The following ZNF654 variants were observed in gnomAD, a reference collection of about 807,000 sequenced individuals.
The protein encoded by ZNF654 is melanoma-associated antigen.
A neutral mutation model predicts 95.3 loss-of-function variants in ZNF654; 19 were observed. The observed-to-expected ratio is 0.20, with a 90% CI of 0.14 to 0.29. The LOEUF is 0.29. Ranked by LOEUF, ZNF654 falls within the 10% of genes least tolerant of loss-of-function variation. The pLI is 1.00. For missense variants in ZNF654, 1,046 were observed against 1,341.0 expected (o/e 0.78, Z 3.44); for synonymous variants, 413 against 457.9 (o/e 0.90, Z 1.25).
chr3:88,071,262 C>G (rs1409387979), intron 1 of ZNF654, among the ~76,000 whole-genome samples: 3 of 152,162 alleles, frequency 2.0e-5, no homozygotes, highest in Non-Finnish European at 2.9e-5. Context: ...GTAATCCCAG[C>G]ACTTTGGGAG....
intron 1 of ZNF654, among the ~76,000 whole-genome samples, chr3:88,063,508 T>C (rs1313530368): frequency 6.6e-6 from 1 of 152,180 alleles, no homozygotes; most frequent in Non-Finnish European, 1.5e-5. Context: ...ACAATCCTTA[T>C]TTCTTGGTCT....
intron 2 of ZNF654, among the ~76,000 whole-genome samples, chr3:88,089,139 T>C (rs1403470861): frequency 6.6e-6 from 1 of 151,716 alleles, no homozygotes; most frequent in East Asian, 1.9e-4. Flanking sequence ...TGAATTTATT[T>C]GTATTTGAAC....
rs536954083 is a variant in ZNF654 at position 88,072,860 on chromosome 3, G to A, written c.186+13355G>A. 1.8e-4 allele frequency among the ~76,000 whole-genome samples: 27 copies of A among 152,290 alleles called. No homozygotes were observed. The South Asian group carries it at 5.2e-3, about 29-fold the overall frequency. ...CCCTAAAATAGGGAAAGTGTGATTA[G>A]TGCCACTATTTGAATTCCTATGCAC... On this transcript the variant is annotated intron_variant, in intron 1 of 8. Transcript: ENST00000636215.
rs1033677311 is a variant in ZNF654, at chr3:88,138,909, C to T, written c.1240C>T (p.Leu414Phe). The T allele has an allele frequency of 5.7e-6, 7 of 1,234,796 alleles. No homozygotes were observed. Among genetic ancestry groups the T allele is most frequent in the Non-Finnish European group, 7.1e-6 (7 of 990,022 alleles). The allele number at this position is 1,234,796 out of a possible 1,614,324, so 76.5% of individuals were successfully genotyped here. A position where few individuals can be genotyped will look rare whatever the true frequency, so the allele number is the denominator to read the frequency against. Residue 414 changes from leucine to phenylalanine, a missense_variant, in exon 8 of 9, where the codon CTT becomes TTT. Leu to Phe is a conservative substitution (Grantham distance 22). Transcript: ENST00000636215. ...AGAAGCGTATCGTACTGTTGAAGAG[C>T]TTTACAAACGTCCAGATGAAGAATA... The part of the protein sequence containing the change: ...SLEAYRTVEE[L>F]YKRPDEEYNE...
intron 2 of ZNF654, among the ~76,000 whole-genome samples, chr3:88,090,121 ATTG>A (rs1708555939): frequency 6.6e-6 from 1 of 152,168 alleles, no homozygotes; most frequent in African/African-American, 2.4e-5. Flanking sequence ...TCTACTTTTT[ATTG>A]TTATTTTAGA....
chr3:88,131,134 A>G (rs1262675357), intron 6 of ZNF654, among the ~76,000 whole-genome samples: 1 of 152,216 alleles, frequency 6.6e-6, no homozygotes, highest in African/African-American at 2.4e-5. Context: ...CTCCTAGGCT[A>G]CAAACCTGTA....
At chr3:88,068,166 T>C (rs1576192024) in intron 1 of ZNF654, among the ~76,000 whole-genome samples, 1 of 151,992 alleles carries the variant, frequency 6.6e-6, no homozygotes, top group East Asian at 1.9e-4. Context: ...CATTTGAATT[T>C]GATCATTGTG....
chr3:88,067,793 TAGAC>T (rs989062113), intron 1 of ZNF654, among the ~76,000 whole-genome samples: 1 of 151,958 alleles, frequency 6.6e-6, no homozygotes, highest in African/African-American at 2.4e-5. Flanking sequence ...GGTGAAGGAA[TAGAC>T]AGTAAGTACA....
At chr3:88,072,975 TA>T (rs1347120661) in intron 1 of ZNF654, among the ~76,000 whole-genome samples, 3 of 9,092 alleles carry the variant, frequency 3.3e-4, no homozygotes, top group Non-Finnish European at 2.0e-3. Flanking sequence ...AAAAAATTGT[TA>T]GTTTTAAAAT....
intron 3 of ZNF654, among the ~76,000 whole-genome samples, chr3:88,118,601 TG>T (rs749653905): frequency 5.9e-5 from 9 of 152,170 alleles, no homozygotes; most frequent in Non-Finnish European, 1.2e-4. Flanking sequence ...CTAGAGTACT[TG>T]GAATAAGTTT....
At chr3:88,082,158 C>T (rs1202061921) in intron 1 of ZNF654, among the ~76,000 whole-genome samples, 2 of 149,230 alleles carry the variant, frequency 1.3e-5, no homozygotes, top group East Asian at 2.0e-4. Context: ...GATGGAGTCT[C>T]GCTTTGTTGC....
At chr3:88,063,571 G>T (rs1707017463) in intron 1 of ZNF654, among the ~76,000 whole-genome samples, 1 of 151,928 alleles carries the variant, frequency 6.6e-6, no homozygotes, top group South Asian at 2.1e-4. Flanking sequence ...GTTTTCTAGG[G>T]TATAATACAT....
At chr3:88,138,642 T>C (rs1706947810) in intron 7 of ZNF654, 63 bp from the exon 8 acceptor site, 1 of 981,088 alleles carries the variant, frequency 1.0e-6, no homozygotes, top group Non-Finnish European at 1.3e-6. Flanking sequence ...TTTTTAAAGA[T>C]AGACTAGTAT....
chr3:88,113,356 T>C (rs764649711), intron 3 of ZNF654, among the ~76,000 whole-genome samples, 160 bp downstream of exon 3: 2 of 152,142 alleles, frequency 1.3e-5, no homozygotes, highest in Non-Finnish European at 2.9e-5. Flanking sequence ...TAAAGAAAAT[T>C]CATACAATTA....
intron 6 of ZNF654, among the ~76,000 whole-genome samples, 159 bp downstream of exon 6, chr3:88,129,985 C>G (rs948342690): frequency 1.3e-5 from 2 of 152,056 alleles, no homozygotes; most frequent in African/African-American, 2.4e-5. Flanking sequence ...GAACTAGAGA[C>G]TTTAAAAAGA....
At chr3:88,100,953 G>GTTA (rs1291087717) in intron 2 of ZNF654, among the ~76,000 whole-genome samples, 1 of 152,022 alleles carries the variant, frequency 6.6e-6, no homozygotes, top group Non-Finnish European at 1.5e-5. Context: ...AAAACTTAAA[G>GTTA]TATAATAAAA....
In ZNF654 at chr3:88,141,062, C is replaced by A; in HGVS notation, c.3379+14C>A. ...CAGATGATGAAAGTAAGTCTTCTGT[C>A]TTCTTAGTAGAGGTATCTGTAGAAA... On this transcript the variant is annotated intron_variant, in intron 8 of 8. Coordinates refer to ENST00000636215, the MANE Select transcript of ZNF654 (RefSeq NM_001350134.2). 6.3e-7 allele frequency: 1 copy of A among 1,575,148 alleles called. No individual in the cohort carries two copies. Among genetic ancestry groups the A allele is most frequent in the Non-Finnish European group, 8.6e-7 (1 of 1,163,602 alleles).
chr3:88,095,527 C>G (rs2107693498), intron 2 of ZNF654: 1 of 489,702 alleles, frequency 2.0e-6, no homozygotes, highest in Admixed American at 2.3e-5. Context: ...GCTTCTTTTG[C>G]AAGAACCAGG....
chr3:88,083,436 G>T (rs1412810257), intron 1 of ZNF654, among the ~76,000 whole-genome samples: 2 of 152,114 alleles, frequency 1.3e-5, no homozygotes, highest in East Asian at 3.8e-4. Flanking sequence ...GCTCTTGAAA[G>T]TGCTGCTGGA....
Sources: gnomAD v4.1 joint callset for allele counts (sites outside exome capture counted in the v4.1 genomes callset) on GRCh38, gnomAD v4.1.1 for gene constraint, MANE v1.5 for transcripts, NCBI Gene and HGNC (gene_info 2026-07-23, HGNC 2026-07-21) for gene names.